Variants in GRM7 observed in about 807,000 individuals in gnomAD.
GRM7 encodes glutamate metabotropic receptor 7.
A neutral mutation model predicts 84.5 loss-of-function variants in GRM7; 35 were observed. The observed-to-expected ratio is 0.41, with a 90% CI of 0.32 to 0.55. The LOEUF (loss-of-function observed/expected upper bound fraction) is 0.55. GRM7 is among the 20% of genes least tolerant of loss of function. The pLI is 0.19. For synonymous variants in GRM7, 487 were observed against 455.1 expected (o/e 1.07, Z -0.89); for missense variants, 1,003 against 1,194.6 (o/e 0.84, Z 2.36).
At chr3:7,327,727 C>A (rs1701042134) in intron 4 of GRM7, among the ~76,000 whole-genome samples, 1 of 152,094 alleles carries the variant, frequency 6.6e-6, no homozygotes, top group Admixed American at 6.6e-5. Flanking sequence ...ATTCCTGAGC[C>A]CTATAACACG....
At chr3:7,731,086 T>G (rs1040820842) in intron 9 of GRM7, among the ~76,000 whole-genome samples, 1 of 150,486 alleles carries the variant, frequency 6.6e-6, no homozygotes, top group African/African-American at 2.4e-5. Flanking sequence ...TTTCTTTTGT[T>G]TTTTTTTTTA....
At chr3:6,908,849 T>A (rs1338937740) in intron 1 of GRM7, among the ~76,000 whole-genome samples, 1 of 152,148 alleles carries the variant, frequency 6.6e-6, no homozygotes, top group Non-Finnish European at 1.5e-5. Context: ...AGATATGTCT[T>A]GTGGTCTGAC....
chr3:7,362,302 A>G (rs2125106411), intron 4 of GRM7, among the ~76,000 whole-genome samples: 1 of 152,022 alleles, frequency 6.6e-6, no homozygotes, highest in Non-Finnish European at 1.5e-5. Flanking sequence ...ACAGCATAGC[A>G]GATTTCCACC....
intron 1 of GRM7, among the ~76,000 whole-genome samples, chr3:6,877,574 A>G (rs1289895143): frequency 1.3e-5 from 2 of 152,292 alleles, no homozygotes; most frequent in African/African-American, 2.4e-5. Flanking sequence ...GGGGCCTAGC[A>G]TCACCTAGTA....
intron 2 of GRM7, among the ~76,000 whole-genome samples, chr3:7,159,200 A>G (rs928828618): frequency 1.3e-5 from 2 of 152,228 alleles, no homozygotes; most frequent in African/African-American, 4.8e-5. Context: ...TGTTGATTTT[A>G]ATGAATTGGG....
intron 7 of GRM7, among the ~76,000 whole-genome samples, chr3:7,569,490 T>C (rs1694531028): frequency 1.3e-5 from 2 of 152,096 alleles, no homozygotes; most frequent in African/African-American, 4.8e-5. Context: ...CTCTGTAAAA[T>C]GGACCAGTCA....
chr3:7,007,140 A>G (rs1256444237), intron 1 of GRM7, among the ~76,000 whole-genome samples: 1 of 152,178 alleles, frequency 6.6e-6, no homozygotes, highest in Non-Finnish European at 1.5e-5. Context: ...CTAATGAAGA[A>G]AAAGCTCAGG....
chr3:7,052,388 T>G (rs1697040710), intron 1 of GRM7, among the ~76,000 whole-genome samples: 1 of 151,714 alleles, frequency 6.6e-6, no homozygotes, highest in African/African-American at 2.4e-5. Context: ...CTTCTGTTTT[T>G]GTTAGTTTAA....
intron 2 of GRM7, among the ~76,000 whole-genome samples, chr3:7,292,006 C>G (rs1383186660): frequency 6.6e-6 from 1 of 152,196 alleles, no homozygotes; most frequent in Non-Finnish European, 1.5e-5. Flanking sequence ...CTCTTGTGTG[C>G]TGCCATGTAA....
rs116314763 is a variant in GRM7, at chr3:6,966,562, G to A, written c.519+104655G>A. On this transcript the variant is annotated intron_variant, in intron 1 of 9. Coordinates refer to ENST00000357716, the MANE Select transcript of GRM7 (RefSeq NM_000844.4). Reference sequence around the variant, plus strand: ...TTAACTCTCATTCAGGCATGAATTCGTATAATCATTTCCTTGTCTTCTTAT... The same window carrying A: ...TTAACTCTCATTCAGGCATGAATTCATATAATCATTTCCTTGTCTTCTTAT... 1.8e-3 allele frequency among the ~76,000 whole-genome samples: 278 copies of A among 152,246 alleles called. 1 individual carries two copies. The highest frequency in any genetic ancestry group is 6.5e-3 in the African/African-American group (271 of 41,554).
At chr3:7,192,957 C>T (rs544552896) in intron 2 of GRM7, among the ~76,000 whole-genome samples, 4 of 152,266 alleles carry the variant, frequency 2.6e-5, no homozygotes, top group East Asian at 1.9e-4. Flanking sequence ...TCTAAACTTC[C>T]ATTTCCAACC....
Position 6,896,389 on chromosome 3 carries a change from C to A in GRM7, c.519+34482C>A, listed in dbSNP as rs1372937824. The stretch of plus-strand genomic sequence containing the variant: ...TTTACCTATCATTTCATAAAATGAA[C>A]ATTTGATTTTCAGGTGAAGTCTTAG... On this transcript the variant is annotated intron_variant, in intron 1 of 9. Transcript: ENST00000357716. 2.6e-5 allele frequency among the ~76,000 whole-genome samples: 4 copies of A among 152,108 alleles called. No individual in the cohort carries two copies. In the East Asian group the frequency reaches 7.7e-4, roughly 29 times the overall value.
At chr3:7,609,205 G>A (rs1696733371) in intron 8 of GRM7, among the ~76,000 whole-genome samples, 1 of 152,098 alleles carries the variant, frequency 6.6e-6, no homozygotes. Flanking sequence ...AGGGACCAAA[G>A]ATAGAGCCTC....
In GRM7 at chr3:6,934,483, G is replaced by T. The variant is rs557495823; in HGVS notation, c.519+72576G>T. Among the ~76,000 whole-genome samples the T allele has an allele frequency of 2.6e-5, 4 of 152,240 alleles. No individual in the cohort carries two copies. In the East Asian group the frequency reaches 7.7e-4, roughly 29 times the overall value. On this transcript the variant is annotated intron_variant, in intron 1 of 9. Coordinates refer to ENST00000357716, the MANE Select transcript of GRM7 (RefSeq NM_000844.4). ...AGAGAGTATATCATTACAATTCGGA[G>T]TTAGTTTATCTTAAAGATTATGGTG...
chr3:6,958,620 A>C (rs1244851237), intron 1 of GRM7, among the ~76,000 whole-genome samples: 1 of 152,162 alleles, frequency 6.6e-6, no homozygotes, highest in Non-Finnish European at 1.5e-5. Context: ...ACGGTGGTCT[A>C]GACCTTACAT....
intron 1 of GRM7, among the ~76,000 whole-genome samples, chr3:6,912,063 A>G (rs1182366671): frequency 1.3e-5 from 2 of 152,270 alleles, no homozygotes; most frequent in African/African-American, 2.4e-5. Flanking sequence ...AAAGAACACT[A>G]GTTTTATCAG....
intron 1 of GRM7, among the ~76,000 whole-genome samples, chr3:6,979,106 G>C (rs537669122): frequency 6.6e-6 from 1 of 151,954 alleles, no homozygotes; most frequent in African/African-American, 2.4e-5. Flanking sequence ...AGTAAGTATC[G>C]ACACTAAAAT....
intron 4 of GRM7, among the ~76,000 whole-genome samples, chr3:7,344,233 CTCCCTCT>C (rs145603872): frequency 0.041 from 6,305 of 151,936 alleles, 287 homozygotes; most frequent in African/African-American, 0.11. Context: ...TTCTGATGTT[CTCCCTCT>C]TCCCACCCTC....
At chr3:7,055,674 C>A (rs866889714) in intron 1 of GRM7, among the ~76,000 whole-genome samples, 1 of 151,844 alleles carries the variant, frequency 6.6e-6, no homozygotes, top group South Asian at 2.1e-4. Flanking sequence ...GCGTGCACCA[C>A]CACATCCAGC....
Sources: gnomAD v4.1 joint callset for allele counts (sites outside exome capture counted in the v4.1 genomes callset) on GRCh38, gnomAD v4.1.1 for gene constraint, MANE v1.5 for transcripts, NCBI Gene and HGNC (gene_info 2026-07-23, HGNC 2026-07-21) for gene names.